The following GFRA1 variants were observed in gnomAD, a reference collection of about 807,000 sequenced individuals.
GFRA1 encodes GDNF family receptor alpha-1.
GFRA1 carries 16 observed loss-of-function variants against 51.6 expected under a neutral mutation model. That is an observed-to-expected ratio of 0.31 (90% CI 0.21 to 0.47). The LOEUF (loss-of-function observed/expected upper bound fraction) is 0.47, where lower values mean the gene tolerates loss of function less well. Among genes scored for constraint, GFRA1 ranks in the 20% least tolerant of loss-of-function variants. The pLI is 1.00. For missense variants in GFRA1, 530 were observed against 594.3 expected, an observed-to-expected ratio of 0.89 and a Z score of 1.13; for synonymous variants, 270 against 241.3, an observed-to-expected ratio of 1.12 and a Z score of -1.10.
At chr10:116,223,169 C>T (rs1589886065) in intron 4 of GFRA1, among the ~76,000 whole-genome samples, 1 of 152,260 alleles carries the variant, frequency 6.6e-6, no homozygotes, top group East Asian at 1.9e-4. Flanking sequence ...ACTCCCTCTA[C>T]CCACTAGCCC....
intron 5 of GFRA1, among the ~76,000 whole-genome samples, chr10:116,152,085 G>A (rs141041367): frequency 1.3e-3 from 205 of 152,260 alleles, no homozygotes; most frequent in African/African-American, 4.7e-3. Context: ...AGGAAACCAG[G>A]TGGGAAAGGC....
intron 5 of GFRA1, among the ~76,000 whole-genome samples, chr10:116,211,381 G>A (rs1965180904): frequency 6.6e-6 from 1 of 152,114 alleles, no homozygotes; most frequent in Admixed American, 6.5e-5. Context: ...CCCTCTCCAA[G>A]CGTCTCTGCC....
At chr10:116,199,993 A>T (rs1964200476) in intron 5 of GFRA1, among the ~76,000 whole-genome samples, 1 of 152,194 alleles carries the variant, frequency 6.6e-6, no homozygotes, top group Non-Finnish European at 1.5e-5. Flanking sequence ...TTTGCGAAGG[A>T]CTGCCTTCAC....
chr10:116,138,090 C>T (rs147606807), intron 5 of GFRA1, among the ~76,000 whole-genome samples: 3 of 152,224 alleles, frequency 2.0e-5, no homozygotes, highest in Non-Finnish European at 2.9e-5. Context: ...CCTGAGTCAC[C>T]GCGCCCGGCC....
chr10:116,135,188 G>A (rs1454070809), intron 5 of GFRA1, among the ~76,000 whole-genome samples: 4 of 152,136 alleles, frequency 2.6e-5, no homozygotes, highest in African/African-American at 9.7e-5. Context: ...TTGGTGGCTG[G>A]GTTCCCACCT....
chr10:116,184,961 C>A (rs1037517196), intron 5 of GFRA1, among the ~76,000 whole-genome samples: 5 of 152,148 alleles, frequency 3.3e-5, no homozygotes, highest in African/African-American at 1.2e-4. Flanking sequence ...AATCCAGCAC[C>A]TCTGTTCCTC....
At chr10:116,075,293 C>A (rs1292149140) in intron 9 of GFRA1, among the ~76,000 whole-genome samples, 1 of 152,070 alleles carries the variant, frequency 6.6e-6, no homozygotes, top group African/African-American at 2.4e-5. Context: ...GGTAGCACAC[C>A]TATATGATGC....
chr10:116,168,612 T>G (rs986491938), intron 5 of GFRA1, among the ~76,000 whole-genome samples: 6 of 152,146 alleles, frequency 3.9e-5, no homozygotes, highest in Admixed American at 2.6e-4. Flanking sequence ...TCAAGTTCCC[T>G]TCAGGTGGAT....
In GFRA1 at chr10:116,233,108, C is replaced by T. The variant is rs577933829; in HGVS notation, c.419-21463G>A. Among the ~76,000 whole-genome samples, 8 of 152,192 alleles carry T rather than the reference C, an allele frequency of 5.3e-5. No individual in the cohort carries two copies. In the South Asian group the frequency reaches 1.7e-3, roughly 32 times the overall value. On this transcript the variant is annotated intron_variant, in intron 4 of 10. Transcript: ENST00000355422. ...GTAGGAGGCCGAGGCAGGCAGATCA[C>T]TTGCGGTCAGGAGTTCGAGACCAGC...
At chr10:116,216,777 C>T (rs998698396) in intron 4 of GFRA1, among the ~76,000 whole-genome samples, 1 of 152,156 alleles carries the variant, frequency 6.6e-6, no homozygotes, top group Non-Finnish European at 1.5e-5. Context: ...CTTTCAAGTA[C>T]AAGTGCTTTT....
chr10:116,205,596 G>GATATATATATAT lies in GFRA1; in HGVS notation c.433+6023_433+6034dup, dbSNP rs140642664. On this transcript the variant is annotated intron_variant, in intron 5 of 10. Coordinates refer to ENST00000355422, the MANE Select transcript of GFRA1 (RefSeq NM_005264.8). ...CTCAAAAAAGAAAGGAAAAAAAAAA[G>GATATATATATAT]ATATATATATATATATATATATATA... Among the ~76,000 whole-genome samples, 9 of 140,608 alleles carry GATATATATATAT rather than the reference G, an allele frequency of 6.4e-5. No homozygotes were observed. The East Asian group carries it at 8.7e-4, about 14-fold the overall frequency. 92.2% of individuals were successfully genotyped at this position (140,608 alleles called of 152,430 possible).
In GFRA1 at chr10:116,060,829, G is replaced by A. The variant is rs1243946042; in HGVS notation, c.*3569C>T. ...ATCGTGCATGTCTAACTAACTGCATGAATGAAAACTTATTTTCCAAAAGAC... is the reference window on the plus strand; with the variant it reads ...ATCGTGCATGTCTAACTAACTGCATAAATGAAAACTTATTTTCCAAAAGAC... On this transcript the variant is annotated 3_prime_UTR_variant, in exon 11 of 11. Coordinates refer to ENST00000355422, the MANE Select transcript of GFRA1 (RefSeq NM_005264.8). The A allele has an allele frequency of 2.0e-5, 3 of 152,198 alleles. No homozygotes were observed. The highest frequency in any genetic ancestry group is 2.9e-5 in the Non-Finnish European group (2 of 68,042). The allele number at this position is 152,198 out of a possible 1,614,324, so 9.4% of individuals were successfully genotyped here.
chr10:116,272,100 G>A lies in GFRA1; in HGVS notation c.-71C>T, dbSNP rs1565696058. ...GCCGCCGCTGGGTCTTGCCGAGGGA[G>A]CTCAGCGTGCAGCGATCCCCGGACA... On this transcript the variant is annotated 5_prime_UTR_variant, in exon 2 of 11. Coordinates refer to ENST00000355422, the MANE Select transcript of GFRA1 (RefSeq NM_005264.8). This position sits in a 1 kb window ranked among gnomAD's most constrained non-coding sequence, Gnocchi z 4.4. The A allele has an allele frequency of 7.7e-7, 1 of 1,298,566 alleles. No individual in the cohort carries two copies. The highest frequency in any genetic ancestry group is 1.1e-6 in the Non-Finnish European group (1 of 918,664). The allele number at this position is 1,298,566 out of a possible 1,614,324, so 80.4% of individuals were successfully genotyped here. A position where few individuals can be genotyped will look rare whatever the true frequency, so the allele number is the denominator to read the frequency against.
At chr10:116,226,787 T>A in intron 4 of GFRA1, 1 of 419,476 alleles carries the variant, frequency 2.4e-6, no homozygotes, top group Non-Finnish European at 4.8e-6. Flanking sequence ...TTCCTGCAAC[T>A]AGAGGGTCCT....
At chr10:116,144,685 T>C (rs1958718455) in intron 5 of GFRA1, among the ~76,000 whole-genome samples, 1 of 152,070 alleles carries the variant, frequency 6.6e-6, no homozygotes, top group Non-Finnish European at 1.5e-5. Flanking sequence ...TATCCGTACA[T>C]GAAAATAAAT....
intron 5 of GFRA1, among the ~76,000 whole-genome samples, chr10:116,176,229 C>T (rs1009371613): frequency 6.6e-6 from 1 of 152,176 alleles, no homozygotes; most frequent in East Asian, 1.9e-4. Context: ...CATGTTTAGA[C>T]CTTGGGAAGA....
At chr10:116,251,051 G>A (rs916896551) in intron 4 of GFRA1, among the ~76,000 whole-genome samples, 7 of 152,190 alleles carry the variant, frequency 4.6e-5, no homozygotes, top group South Asian at 2.1e-4. Flanking sequence ...TGATTTCCAC[G>A]TGTAAAAGGG....
chr10:116,102,039 C>T (rs1956835497), intron 6 of GFRA1, among the ~76,000 whole-genome samples: 1 of 152,166 alleles, frequency 6.6e-6, no homozygotes, highest in Non-Finnish European at 1.5e-5. Context: ...TTCTTCGAGT[C>T]TTGAGAATAA....
chr10:116,199,731 G>A (rs1274458158), intron 5 of GFRA1, among the ~76,000 whole-genome samples: 1 of 152,050 alleles, frequency 6.6e-6, no homozygotes, highest in Non-Finnish European at 1.5e-5. Context: ...TCCTTTTAGA[G>A]TGAAATTTAC....
Sources: gnomAD v4.1 joint callset for allele counts (sites outside exome capture counted in the v4.1 genomes callset) on GRCh38, gnomAD v4.1.1 for gene constraint, Gnocchi (gnomAD v3.1) non-coding constraint, MANE v1.5 for transcripts, NCBI Gene and HGNC (gene_info 2026-07-23, HGNC 2026-07-21) for gene names.